DNAH6: variants seen among roughly 807,000 people sequenced by gnomAD.
The protein encoded by DNAH6 is axonemal beta dynein heavy chain 6.
A neutral mutation model predicts 491.4 loss-of-function variants in DNAH6; 340 were observed. That is an observed-to-expected ratio of 0.69 (90% CI 0.63 to 0.76). The LOEUF (loss-of-function observed/expected upper bound fraction) is 0.76, where lower values mean the gene tolerates loss of function less well. Ranked by LOEUF, DNAH6 falls within the 30% of genes least tolerant of loss-of-function variation. DNAH6 has a pLI of 0.00. For synonymous variants in DNAH6, 1,603 were observed against 1,686.1 expected (o/e 0.95, Z 1.21); for missense variants, 4,443 against 4,972.2 (o/e 0.89, Z 3.20).
intron 11 of DNAH6, among the ~76,000 whole-genome samples, chr2:84,560,757 A>T (rs963150151): frequency 6.6e-6 from 1 of 151,996 alleles, no homozygotes; most frequent in South Asian, 2.1e-4. Flanking sequence ...ATGATTTCCA[A>T]TTTCATCCAT....
chr2:84,758,004 T>C (rs369318339), intron 63 of DNAH6, among the ~76,000 whole-genome samples: 22 of 152,358 alleles, frequency 1.4e-4, no homozygotes, highest in African/African-American at 5.3e-4. Context: ...GTATGTTTTA[T>C]GCACATTTAT....
chr2:84,624,961 T>C lies in DNAH6; in HGVS notation c.4413T>C (p.Ala1471=), dbSNP rs1045461128. Residue 1471 remains alanine (A), a synonymous_variant, in exon 29 of 77, where the codon GCT becomes GCC. Transcript: ENST00000389394. ...AGCTTGACCTTGGGGGTGCACCAGCTGGTCCTGCTGGCACTGGGAAAACAG... is the reference window on the plus strand; with the variant it reads ...AGCTTGACCTTGGGGGTGCACCAGCCGGTCCTGCTGGCACTGGGAAAACAG... ...ALQLDLGGAP[A]GPAGTGKTET... is the part of the protein sequence containing the mutation. 1 of 1,551,698 alleles carries C rather than the reference T, an allele frequency of 6.4e-7. No individual in the cohort carries two copies. The highest frequency in any genetic ancestry group is 2.0e-5 in the Admixed American group (1 of 50,996).
chr2:84,637,116 CT>C, intron 30 of DNAH6, 93 bp from the exon 31 acceptor site: 1 of 1,095,860 alleles, frequency 9.1e-7, no homozygotes, highest in Non-Finnish European at 1.3e-6. Context: ...TGCTTTAGTG[CT>C]TCATTACATG....
chr2:84,739,600 A>T (rs1479427683), intron 62 of DNAH6, among the ~76,000 whole-genome samples: 1 of 152,164 alleles, frequency 6.6e-6, no homozygotes, highest in Non-Finnish European at 1.5e-5. Flanking sequence ...TTGGTCTTCA[A>T]GTTCTGAAAG....
the DNAH6 span, among the ~76,000 whole-genome samples, chr2:84,497,125 C>G: frequency 2.0e-5 from 3 of 152,096 alleles, no homozygotes; most frequent in African/African-American, 7.2e-5. Flanking sequence ...TGCGCACCAC[C>G]ATGCTCAGCT....
intron 11 of DNAH6, among the ~76,000 whole-genome samples, chr2:84,560,826 A>T (rs1329289205): frequency 2.0e-5 from 3 of 152,074 alleles, no homozygotes; most frequent in Non-Finnish European, 4.4e-5. Context: ...TCCATGGTGT[A>T]TATGTGCCAC....
chr2:84,686,347 C>T, intron 43 of DNAH6, 137 bp from the exon 44 acceptor site: 2 of 572,468 alleles, frequency 3.5e-6, no homozygotes, highest in East Asian at 6.3e-5. Flanking sequence ...GGAGTTAACA[C>T]AGTATTCTCT....
the DNAH6 span, among the ~76,000 whole-genome samples, chr2:84,504,081 T>G: frequency 6.6e-6 from 1 of 152,126 alleles, no homozygotes; most frequent in Non-Finnish European, 1.5e-5. Context: ...GTAGGCATAC[T>G]TGTTTTTTGT....
At chr2:84,636,257 C>T (rs1688869886) in intron 30 of DNAH6, among the ~76,000 whole-genome samples, 1 of 152,146 alleles carries the variant, frequency 6.6e-6, no homozygotes, top group Non-Finnish European at 1.5e-5. Context: ...GGAACTTTGC[C>T]CTTTAGCAAA....
At chr2:84,599,987 G>T (rs906483374) in intron 18 of DNAH6, among the ~76,000 whole-genome samples, 2 of 152,060 alleles carry the variant, frequency 1.3e-5, no homozygotes, top group African/African-American at 4.8e-5. Context: ...GGTCAATTTT[G>T]TTGAATTTTC....
chr2:84,762,177 G>A (rs1006695869), intron 63 of DNAH6, among the ~76,000 whole-genome samples: 3 of 152,152 alleles, frequency 2.0e-5, no homozygotes, highest in African/African-American at 7.2e-5. Context: ...TGGTTCCAGA[G>A]AAGGGTCAGA....
At position 84,699,841 on chromosome 2, in the gene DNAH6, G is replaced by C. The variant is rs531910700; in HGVS notation, c.7818+107G>C. On this transcript the variant is annotated intron_variant, in intron 48 of 76. Transcript: ENST00000389394. ...CATGGGTACTTGTATTAGCTTTAAAGCCTACTAGGAATTTATTCATATAGA... is the reference window on the plus strand; with the variant it reads ...CATGGGTACTTGTATTAGCTTTAAACCCTACTAGGAATTTATTCATATAGA... 16 of 1,079,822 alleles carry C rather than the reference G, an allele frequency of 1.5e-5. No homozygotes were observed. The East Asian group carries it at 3.6e-4, about 24-fold the overall frequency. The allele number at this position is 1,079,822 out of a possible 1,614,324, so 66.9% of individuals were successfully genotyped here. A position where few individuals can be genotyped will look rare whatever the true frequency, so the allele number is the denominator to read the frequency against.
chr2:84,813,143 T>C lies in DNAH6; in HGVS notation c.11998+13T>C. ...GGATTTCTAACAGGTACCAGCGCTTTCTAGAAAAACCCCATAGGAATGGCC... is the reference window on the plus strand; with the variant it reads ...GGATTTCTAACAGGTACCAGCGCTTCCTAGAAAAACCCCATAGGAATGGCC... On this transcript the variant is annotated intron_variant, in intron 74 of 76. Transcript: ENST00000389394. The C allele has an allele frequency of 6.5e-7, 1 of 1,546,264 alleles. No individual in the cohort carries two copies. The highest frequency in any genetic ancestry group is 8.8e-7 in the Non-Finnish European group (1 of 1,142,402).
chr2:84,706,958 A>G lies in DNAH6; in HGVS notation c.8790A>G (p.Glu2930=), dbSNP rs1201125311. ...REKQALLRQV[E]DQIQALQDEY... Reference sequence around the variant, plus strand: ...AGCAAGCATTACTAAGACAAGTAGAAGATCAAATACAGGCCTTACAAGATG... The same window carrying G: ...AGCAAGCATTACTAAGACAAGTAGAGGATCAAATACAGGCCTTACAAGATG... The change falls in exon 53 of 77, where the codon GAA becomes GAG. Residue 2930 remains glutamate (E), a synonymous_variant. Coordinates refer to ENST00000389394, the MANE Select transcript of DNAH6 (RefSeq NM_001370.2). 1 of 1,545,074 alleles carries G rather than the reference A, an allele frequency of 6.5e-7. No homozygotes were observed. The highest frequency in any genetic ancestry group is 2.1e-5 in the Admixed American group (1 of 48,752).
chr2:84,733,574 G>A lies in DNAH6; in HGVS notation c.10337G>A (p.Arg3446His), dbSNP rs1338471049. Residue 3446 changes from arginine to histidine, a missense_variant, in exon 62 of 77, where the codon CGC becomes CAC. By Grantham distance (29) the Arg-to-His change is conservative. Coordinates refer to ENST00000389394, the MANE Select transcript of DNAH6 (RefSeq NM_001370.2). ...QNILSHPISI[R>H]LGSFETYINP... ...ATATTGTCACATCCTATTTCCATACGCTTAGGTAATGTGACAAAAAGAACC... is the reference window on the plus strand; with the variant it reads ...ATATTGTCACATCCTATTTCCATACACTTAGGTAATGTGACAAAAAGAACC... 13 of 1,550,854 alleles carry A rather than the reference G, an allele frequency of 8.4e-6. No homozygotes were observed. The highest frequency in any genetic ancestry group is 7.3e-5 in the East Asian group (3 of 40,910).
intron 29 of DNAH6, among the ~76,000 whole-genome samples, chr2:84,630,399 A>G (rs1428454638): frequency 2.6e-5 from 4 of 152,162 alleles, no homozygotes; most frequent in Non-Finnish European, 5.9e-5. Flanking sequence ...AAAAAAATTA[A>G]ACTTCAACCT....
chr2:84,580,791 C>T (rs890392975), intron 14 of DNAH6, among the ~76,000 whole-genome samples: 4 of 143,252 alleles, frequency 2.8e-5, no homozygotes, highest in Non-Finnish European at 5.9e-5. Flanking sequence ...AAGCTTAGGC[C>T]AAAATAGGGA....
At chr2:84,657,801 C>A (rs1273616356) in intron 35 of DNAH6, among the ~76,000 whole-genome samples, 1 of 151,810 alleles carries the variant, frequency 6.6e-6, no homozygotes, top group African/African-American at 2.4e-5. Context: ...ATCTGTATAC[C>A]TTTTATTTCC....
chr2:84,601,664 CA>C (rs1685258741), intron 18 of DNAH6, among the ~76,000 whole-genome samples: 1 of 151,682 alleles, frequency 6.6e-6, no homozygotes, highest in Non-Finnish European at 1.5e-5. Flanking sequence ...TCCAGTCTGA[CA>C]TTCTTAGTCC....
Sources: gnomAD v4.1 joint callset for allele counts (sites outside exome capture counted in the v4.1 genomes callset) on GRCh38, gnomAD v4.1.1 for gene constraint, MANE v1.5 for transcripts, NCBI Gene and HGNC (gene_info 2026-07-23, HGNC 2026-07-21) for gene names.